The following TASP1 variants were observed in gnomAD, a reference collection of about 807,000 sequenced individuals.
TASP1 encodes taspase 1, also known as threonine aspartase 1.
In TASP1, 16 loss-of-function variants were observed where a neutral mutation model predicts 56.6. That is an observed-to-expected ratio of 0.28 (90% CI 0.19 to 0.43). The LOEUF (loss-of-function observed/expected upper bound fraction) is 0.43, where lower values mean the gene tolerates loss of function less well. TASP1 is among the 20% of genes least tolerant of loss of function. The probability of loss-of-function intolerance (pLI) is 1.00; values close to 1 mark genes in which losing one functional copy is unlikely to be tolerated. For synonymous variants in TASP1, 179 were observed against 184.2 expected, an observed-to-expected ratio of 0.97 and a Z score of 0.23; for missense variants, 393 against 511.6, an observed-to-expected ratio of 0.77 and a Z score of 2.24.
chr20:13,540,091 T>C (rs2045567136), intron 8 of TASP1, among the ~76,000 whole-genome samples: 1 of 152,234 alleles, frequency 6.6e-6, no homozygotes, highest in African/African-American at 2.4e-5. Flanking sequence ...ATTTAACTTA[T>C]ACCCATAGTG....
At chr20:13,129,809 T>G in the TASP1 span, among the ~76,000 whole-genome samples, 1 of 152,204 alleles carries the variant, frequency 6.6e-6, no homozygotes, top group East Asian at 1.9e-4. Context: ...TGCCATCAAT[T>G]TTTCTTCCCC....
chr20:13,612,224 T>C lies in TASP1; in HGVS notation c.282+11222A>G, dbSNP rs1356064316. 2.0e-5 allele frequency among the ~76,000 whole-genome samples: 3 copies of C among 152,324 alleles called. No homozygotes were observed. In the East Asian group the frequency reaches 5.8e-4, roughly 29 times the overall value. Reference sequence around the variant, plus strand: ...CCTTTACTAAAAAGAGCCAGATTAGTGGTCAGAAATGCTGCATATCTTCTG... The same window carrying C: ...CCTTTACTAAAAAGAGCCAGATTAGCGGTCAGAAATGCTGCATATCTTCTG... On this transcript the variant is annotated intron_variant, in intron 4 of 13. Coordinates refer to ENST00000337743, the MANE Select transcript of TASP1 (RefSeq NM_017714.3).
At chr20:13,583,406 C>T (rs1013463047) in intron 5 of TASP1, among the ~76,000 whole-genome samples, 7 of 152,212 alleles carry the variant, frequency 4.6e-5, no homozygotes, top group Admixed American at 6.5e-5. Context: ...TACTTCCAAA[C>T]GTGTTCTTCT....
chr20:13,552,463 T>C (rs1462410870), intron 8 of TASP1, among the ~76,000 whole-genome samples: 1 of 152,120 alleles, frequency 6.6e-6, no homozygotes, highest in Non-Finnish European at 1.5e-5. Context: ...ATACGAGAAA[T>C]AAGTGACCAC....
chr20:13,226,992 C>A, the TASP1 span, among the ~76,000 whole-genome samples: 1 of 152,028 alleles, frequency 6.6e-6, no homozygotes, highest in Non-Finnish European at 1.5e-5. Flanking sequence ...TTTTTAGAAC[C>A]CATAGTGCAA....
chr20:13,306,862 T>C, the TASP1 span, among the ~76,000 whole-genome samples: 1 of 152,174 alleles, frequency 6.6e-6, no homozygotes. Flanking sequence ...AGGTGTCCCA[T>C]GCTGGTGGCT....
chr20:13,491,912 T>C (rs1011171166), intron 10 of TASP1, among the ~76,000 whole-genome samples: 4 of 152,222 alleles, frequency 2.6e-5, no homozygotes, highest in African/African-American at 9.6e-5. Flanking sequence ...AATAATATAA[T>C]TGCTCCACAG....
At chr20:13,434,976 A>G in intron 12 of TASP1, 68 bp downstream of exon 12, 1 of 1,140,632 alleles carries the variant, frequency 8.8e-7, no homozygotes, top group Non-Finnish European at 1.3e-6. Context: ...ACTTAAGGGT[A>G]TAAATATTTT....
intron 7 of TASP1, among the ~76,000 whole-genome samples, chr20:13,563,167 A>AGG (rs1361515990): frequency 1.4e-4 from 21 of 151,534 alleles, no homozygotes; most frequent in African/African-American, 4.8e-4. Context: ...AAAATTGTGT[A>AGG]CCCAAATATT....
intron 5 of TASP1, among the ~76,000 whole-genome samples, chr20:13,584,534 A>C (rs1454032397): frequency 2.1e-5 from 1 of 48,568 alleles, no homozygotes; most frequent in Middle Eastern, 0.013. Flanking sequence ...AAACTAATTA[A>C]AAAGAAAGGA....
the TASP1 span, among the ~76,000 whole-genome samples, chr20:13,243,258 G>A: frequency 6.6e-6 from 1 of 152,154 alleles, no homozygotes. Flanking sequence ...CTTTCTTAGT[G>A]GTCAGTTCCA....
chr20:13,557,570 T>TG (rs1463480142), intron 8 of TASP1, among the ~76,000 whole-genome samples: 51 of 147,992 alleles, frequency 3.4e-4, no homozygotes, highest in African/African-American at 5.6e-4. Context: ...ACGATGTTTT[T>TG]GGTTTTTTTT....
Position 13,455,840 on chromosome 20 carries a change from A to G in TASP1, c.986-20686T>C, listed in dbSNP as rs78407281. Reference sequence around the variant, plus strand: ...ATCCATTTGTAAACCGCTGATTTACATGGGGCATTGCCCCATAAACTTTTC... The same window carrying G: ...ATCCATTTGTAAACCGCTGATTTACGTGGGGCATTGCCCCATAAACTTTTC... On this transcript the variant is annotated intron_variant, in intron 11 of 13. Transcript: ENST00000337743. 7.8e-3 allele frequency among the ~76,000 whole-genome samples: 1,193 copies of G among 152,264 alleles called. 18 individuals are homozygous for G. Among genetic ancestry groups the G allele is most frequent in the African/African-American group, 0.027 (1,131 of 41,584 alleles).
intron 4 of TASP1, among the ~76,000 whole-genome samples, chr20:13,613,193 G>A (rs1229638523): frequency 1.3e-5 from 2 of 152,050 alleles, no homozygotes; most frequent in African/African-American, 4.8e-5. Flanking sequence ...CTAAGTTTTG[G>A]TATAGTATTG....
the TASP1 span, among the ~76,000 whole-genome samples, chr20:13,307,991 G>A: frequency 1.3e-5 from 2 of 152,214 alleles, no homozygotes; most frequent in African/African-American, 4.8e-5. Context: ...ATACTGCCCA[G>A]TAGTTTTCCA....
chr20:13,221,228 C>A, the TASP1 span, among the ~76,000 whole-genome samples: 5 of 75,252 alleles, frequency 6.6e-5, no homozygotes, highest in South Asian at 4.0e-4. Flanking sequence ...TACTCCTCCT[C>A]CTCCTCCTCC....
chr20:13,489,987 T>C (rs1317002549), intron 10 of TASP1, among the ~76,000 whole-genome samples: 5 of 152,184 alleles, frequency 3.3e-5, no homozygotes, highest in Non-Finnish European at 7.3e-5. Context: ...TTGCTGGTGA[T>C]TGAAAATGGC....
chr20:13,543,729 C>G (rs2045706978), intron 8 of TASP1, among the ~76,000 whole-genome samples: 1 of 152,142 alleles, frequency 6.6e-6, no homozygotes, highest in South Asian at 2.1e-4. Flanking sequence ...TCTTTATTGG[C>G]TTATCTTGCC....
chr20:13,370,410 T>C, the TASP1 span, among the ~76,000 whole-genome samples: 1 of 152,118 alleles, frequency 6.6e-6, no homozygotes, highest in Admixed American at 6.5e-5. Flanking sequence ...GAAATCTACT[T>C]AGATGTATAA....
Sources: gnomAD v4.1 joint callset for allele counts (sites outside exome capture counted in the v4.1 genomes callset) on GRCh38, gnomAD v4.1.1 for gene constraint, MANE v1.5 for transcripts, NCBI Gene and HGNC (gene_info 2026-07-23, HGNC 2026-07-21) for gene names.